Variants in CLDN10 observed in about 807,000 individuals in gnomAD.
CLDN10 encodes the protein claudin 10, also known as claudin-10.
Under a neutral mutation model 22.9 loss-of-function variants are expected in CLDN10, and 15 were observed. The ratio of observed to expected loss-of-function variants is 0.65; its 90% CI spans 0.44 to 1.01. CLDN10 has a LOEUF of 1.01. CLDN10 is among the 50% of genes least tolerant of loss of function. CLDN10 has a pLI of 0.00. For missense variants in CLDN10, 247 were observed against 287.8 expected, an observed-to-expected ratio of 0.86 and a Z score of 1.03; for synonymous variants, 114 against 111.4, an observed-to-expected ratio of 1.02 and a Z score of -0.15.
upstream of CLDN10, among the ~76,000 whole-genome samples, chr13:95,550,185 A>G (rs986558133): frequency 4.6e-5 from 7 of 152,206 alleles, no homozygotes; most frequent in African/African-American, 1.7e-4. Flanking sequence ...TCCGGATGCT[A>G]TGTTGCAACG....
At chr13:95,478,652 C>T (rs544093916) in intron 1 of CLDN10, among the ~76,000 whole-genome samples, 28 of 152,340 alleles carry the variant, frequency 1.8e-4, no homozygotes, top group Middle Eastern at 6.8e-3. Context: ...CCACGTTCCT[C>T]AGCGCTTCGT....
chr13:95,477,609 G>A (rs1478056787), intron 1 of CLDN10, among the ~76,000 whole-genome samples: 1 of 150,732 alleles, frequency 6.6e-6, no homozygotes, highest in African/African-American at 2.4e-5. Flanking sequence ...TAATACAGAA[G>A]CAGAAAAGGA....
chr13:95,558,339 T>C (rs11841022), intron 1 of CLDN10, among the ~76,000 whole-genome samples: 49,182 of 152,090 alleles, frequency 0.32, 8,313 homozygotes, highest in African/African-American at 0.37. Context: ...GTTCAGCATT[T>C]GGCAGCGGAG....
upstream of CLDN10, among the ~76,000 whole-genome samples, chr13:95,552,029 G>A (rs1419568159): frequency 6.6e-6 from 1 of 152,220 alleles, no homozygotes; most frequent in Non-Finnish European, 1.5e-5. Flanking sequence ...ATTAGTATGA[G>A]TACACCAGCA....
chr13:95,540,795 G>A (rs1251989233), intron 1 of CLDN10, among the ~76,000 whole-genome samples: 1 of 152,198 alleles, frequency 6.6e-6, no homozygotes, highest in Non-Finnish European at 1.5e-5. Flanking sequence ...GTTGGGGAGA[G>A]ACATTGCTTT....
intron 1 of CLDN10, among the ~76,000 whole-genome samples, chr13:95,464,305 A>C (rs376214118): frequency 2.7e-4 from 41 of 151,842 alleles, no homozygotes. Flanking sequence ...TCCTTGTCCA[A>C]GTGTTCTCAT....
intron 1 of CLDN10, among the ~76,000 whole-genome samples, chr13:95,503,109 T>C (rs2043003329): frequency 6.6e-6 from 1 of 152,070 alleles, no homozygotes; most frequent in Non-Finnish European, 1.5e-5. Context: ...ACAGATGGAG[T>C]CTGTCTTGGG....
intron 1 of CLDN10, among the ~76,000 whole-genome samples, chr13:95,464,997 G>A (rs1458766033): frequency 6.6e-6 from 1 of 152,072 alleles, no homozygotes; most frequent in East Asian, 1.9e-4. Flanking sequence ...AAAGTGCTAG[G>A]GTAACAGGTT....
intron 1 of CLDN10, among the ~76,000 whole-genome samples, chr13:95,539,484 A>G (rs2043437322): frequency 1.3e-5 from 2 of 152,238 alleles, no homozygotes; most frequent in South Asian, 2.1e-4. Flanking sequence ...AGTAACATTC[A>G]CGTTCTGAAT....
At position 95,544,984 on chromosome 13, in the gene CLDN10, G is replaced by A. The variant is rs1186021731; in HGVS notation, c.215-15148G>A. The stretch of plus-strand genomic sequence containing the variant: ...GTGAAAACAAGGTTTCACCGTGTTG[G>A]CCAAGCTGGTCTCAAACTCCTGACC... On this transcript the variant is annotated intron_variant, in intron 1 of 4. Coordinates refer to the CLDN10 transcript ENST00000376873. Among the ~76,000 whole-genome samples the A allele has an allele frequency of 2.0e-5, 3 of 151,504 alleles. No individual in the cohort carries two copies. The East Asian group carries it at 5.9e-4, about 30-fold the overall frequency.
At chr13:95,465,250 C>T (rs1007777143) in intron 1 of CLDN10, among the ~76,000 whole-genome samples, 2 of 152,026 alleles carry the variant, frequency 1.3e-5, no homozygotes, top group Non-Finnish European at 2.9e-5. Flanking sequence ...TGGGGAAAAC[C>T]GCCCCCATGA....
chr13:95,449,350 C>T (rs967277848), intron 1 of CLDN10, among the ~76,000 whole-genome samples: 6 of 151,986 alleles, frequency 3.9e-5, no homozygotes, highest in African/African-American at 1.5e-4. Context: ...CTCCCAGGTT[C>T]AAGTGATTCT....
intron 1 of CLDN10, among the ~76,000 whole-genome samples, chr13:95,441,887 C>G (rs2042327796): frequency 6.6e-6 from 1 of 152,216 alleles, no homozygotes; most frequent in Non-Finnish European, 1.5e-5. Context: ...CATGGTGGCT[C>G]ATGCCTGTAA....
intron 1 of CLDN10, among the ~76,000 whole-genome samples, chr13:95,521,024 G>T (rs1433944726): frequency 1.3e-5 from 2 of 151,326 alleles, no homozygotes; most frequent in Non-Finnish European, 2.9e-5. Flanking sequence ...ATTTTTATAT[G>T]TTGGCTTTGG....
intron 1 of CLDN10, among the ~76,000 whole-genome samples, chr13:95,557,528 A>AT (rs1417188868): frequency 6.6e-6 from 1 of 152,128 alleles, no homozygotes; most frequent in African/African-American, 2.4e-5. Flanking sequence ...TTTGCTCTCC[A>AT]TTTCAGAAAA....
chr13:95,565,833 T>G (rs1001670519), intron 3 of CLDN10, among the ~76,000 whole-genome samples: 6 of 145,932 alleles, frequency 4.1e-5, no homozygotes, highest in Non-Finnish European at 6.0e-5. Context: ...TGTCCATGTG[T>G]TCTCATTGTT....
chr13:95,553,613 ATAAT>A (rs938121596), intron 1 of CLDN10, among the ~76,000 whole-genome samples: 1 of 152,254 alleles, frequency 6.6e-6, no homozygotes, highest in African/African-American at 2.4e-5. Flanking sequence ...TTTTAGGAAA[ATAAT>A]AGCCCTTGCG....
chr13:95,577,013 C>T (rs1201991556), intron 3 of CLDN10, among the ~76,000 whole-genome samples: 2 of 152,164 alleles, frequency 1.3e-5, no homozygotes, highest in African/African-American at 2.4e-5. Context: ...CGTGGATGCC[C>T]TCATCTCCTT....
chr13:95,561,929 ATTT>A (rs1034744786), intron 3 of CLDN10, among the ~76,000 whole-genome samples: 1 of 135,778 alleles, frequency 7.4e-6, no homozygotes, highest in African/African-American at 2.7e-5. Flanking sequence ...CAACCAGATA[ATTT>A]TTTTTTTTTT....
Sources: allele counts gnomAD v4.1 joint callset (sites outside exome capture counted in the v4.1 genomes callset), GRCh38; gene constraint gnomAD v4.1.1; transcripts MANE v1.5; gene names NCBI Gene and HGNC (gene_info 2026-07-23, HGNC 2026-07-21).